MINDY4: variants seen among roughly 807,000 people sequenced by gnomAD.
The protein encoded by MINDY4 is probable ubiquitin carboxyl-terminal hydrolase MINDY-4.
A neutral mutation model predicts 87.0 loss-of-function variants in MINDY4; 68 were observed. That is an observed-to-expected ratio of 0.78 (90% CI 0.64 to 0.96). The LOEUF is 0.96. Ranked by LOEUF, MINDY4 falls within the 40% of genes least tolerant of loss-of-function variation. The pLI is 0.00. For missense variants in MINDY4, 919 were observed against 928.2 expected, an observed-to-expected ratio of 0.99 and a Z score of 0.13; for synonymous variants, 379 against 363.2, an observed-to-expected ratio of 1.04 and a Z score of -0.50.
At chr7:30,840,260 A>T (rs1161614284) in intron 8 of MINDY4, among the ~76,000 whole-genome samples, 1 of 152,164 alleles carries the variant, frequency 6.6e-6, no homozygotes, top group Non-Finnish European at 1.5e-5. Flanking sequence ...GATACACCTA[A>T]TGTGGTGCTG....
At chr7:30,881,149 C>A (rs1166064022) in intron 15 of MINDY4, among the ~76,000 whole-genome samples, 1 of 152,268 alleles carries the variant, frequency 6.6e-6, no homozygotes, top group East Asian at 1.9e-4. Flanking sequence ...ACGTACATAG[C>A]TGGATAAACC....
At chr7:30,800,598 C>T (rs558385510) in intron 5 of MINDY4, among the ~76,000 whole-genome samples, 16 of 152,266 alleles carry the variant, frequency 1.1e-4, no homozygotes, top group African/African-American at 2.9e-4. Context: ...AGTGGAAGTT[C>T]AGGGAGCAGT....
chr7:30,831,575 G>A (rs1296362193), intron 6 of MINDY4, among the ~76,000 whole-genome samples: 1 of 152,176 alleles, frequency 6.6e-6, no homozygotes, highest in Non-Finnish European at 1.5e-5. Flanking sequence ...AGAGAGGGTG[G>A]AGGTTTCAGC....
At chr7:30,794,169 G>C (rs150106631) in intron 5 of MINDY4, among the ~76,000 whole-genome samples, 1 of 152,080 alleles carries the variant, frequency 6.6e-6, no homozygotes. Flanking sequence ...TAATCCCAAT[G>C]GTAAATATAT....
intron 5 of MINDY4, among the ~76,000 whole-genome samples, chr7:30,820,814 G>A (rs1028311101): frequency 5.9e-5 from 9 of 152,186 alleles, no homozygotes; most frequent in African/African-American, 2.2e-4. Flanking sequence ...TTACGCACAT[G>A]TATTTGTTTG....
intron 5 of MINDY4, among the ~76,000 whole-genome samples, chr7:30,800,914 C>T (rs1400225635): frequency 6.6e-6 from 1 of 152,214 alleles, no homozygotes; most frequent in African/African-American, 2.4e-5. Flanking sequence ...TTCATCAATC[C>T]TCCCAACCCC....
chr7:30,891,845 C>T, intron 17 of MINDY4, 112 bp from the exon 18 acceptor site: 1 of 1,061,916 alleles, frequency 9.4e-7, no homozygotes, highest in Non-Finnish European at 1.5e-6. Flanking sequence ...GGAAACCGAA[C>T]TATTCAAAGC....
intron 5 of MINDY4, among the ~76,000 whole-genome samples, chr7:30,812,222 T>A (rs974803572): frequency 7.0e-6 from 1 of 143,672 alleles, no homozygotes; most frequent in Non-Finnish European, 1.5e-5. Context: ...TGTCCACAAC[T>A]GGCTTTCAAA....
At chr7:30,794,704 A>T (rs1380981715) in intron 5 of MINDY4, among the ~76,000 whole-genome samples, 1 of 151,848 alleles carries the variant, frequency 6.6e-6, no homozygotes, top group African/African-American at 2.4e-5. Flanking sequence ...TGTCACCTGG[A>T]CTCCCATTGT....
intron 6 of MINDY4, among the ~76,000 whole-genome samples, chr7:30,829,242 A>G (rs1423176549): frequency 1.3e-5 from 2 of 152,204 alleles, no homozygotes; most frequent in African/African-American, 4.8e-5. Context: ...TCTAAGATCA[A>G]TATAGAGCAC....
intron 1 of MINDY4, among the ~76,000 whole-genome samples, chr7:30,776,044 C>G (rs534393814): frequency 6.6e-6 from 1 of 152,224 alleles, no homozygotes; most frequent in Non-Finnish European, 1.5e-5. Context: ...CTGTTGCAAA[C>G]ACCTTGCTCC....
At chr7:30,873,053 C>T (rs912359676) in intron 14 of MINDY4, among the ~76,000 whole-genome samples, 7 of 152,220 alleles carry the variant, frequency 4.6e-5, no homozygotes, top group African/African-American at 1.7e-4. Context: ...ACTGAGGACT[C>T]AGTTGTCCTG....
chr7:30,797,692 G>A lies in MINDY4; in HGVS notation c.1073+6118G>A, dbSNP rs149948114. Among the ~76,000 whole-genome samples the A allele has an allele frequency of 2.4e-3, 369 of 152,270 alleles. 2 individuals carry two copies. Among genetic ancestry groups the A allele is most frequent in the African/African-American group, 7.8e-3 (322 of 41,532 alleles). ...GGAGATATGGGAGCCTTTGGAGGTC[G>A]AGCAGAGACATGCTGTGATCTCACT... On this transcript the variant is annotated intron_variant, in intron 5 of 17. Transcript: ENST00000265299.
In MINDY4 at chr7:30,885,673, C is replaced by A. The variant is rs180882218; in HGVS notation, c.2225+2680C>A. ...GATGCTGATGCTGCTGGTCCCAGGA[C>A]CACACTTTGAGAACCAGGTAAGGGC... On this transcript the variant is annotated intron_variant, in intron 17 of 17. Transcript: ENST00000265299. Among the ~76,000 whole-genome samples the A allele has an allele frequency of 8.0e-3, 1,214 of 152,036 alleles. 13 individuals carry two copies. The highest frequency in any genetic ancestry group is 0.028 in the African/African-American group (1,145 of 41,366).
At chr7:30,773,618 C>T (rs750604656) in intron 1 of MINDY4, among the ~76,000 whole-genome samples, 6 of 152,094 alleles carry the variant, frequency 3.9e-5, no homozygotes, top group Non-Finnish European at 7.4e-5. Flanking sequence ...TCTTCTGCTG[C>T]CCCAGCTTCT....
rs143959227 is a variant in MINDY4 at position 30,813,345 on chromosome 7, TC to T, written c.1074-15330del. On this transcript the variant is annotated intron_variant, in intron 5 of 17. Transcript: ENST00000265299. ...ACTTGCCCTGTGTTAAAGTGTTCAA[TC>T]CCCAGGTCCTGAATTCTGTGTGAGG... Among the ~76,000 whole-genome samples, 1,060 of 152,326 alleles carry T rather than the reference TC, an allele frequency of 7.0e-3. 10 individuals are homozygous for T. The highest frequency in any genetic ancestry group is 0.025 in the African/African-American group (1,019 of 41,572).
At chr7:30,850,624 G>A in intron 10 of MINDY4, 69 bp downstream of exon 10, 2 of 1,386,944 alleles carry the variant, frequency 1.4e-6, no homozygotes, top group Non-Finnish European at 2.0e-6. Context: ...AGCTGGCTGT[G>A]TATGCTCCTA....
intron 15 of MINDY4, among the ~76,000 whole-genome samples, chr7:30,881,694 A>G (rs965015064): frequency 3.3e-5 from 5 of 152,148 alleles, no homozygotes; most frequent in African/African-American, 9.7e-5. Flanking sequence ...GAAGGAGGAA[A>G]CTATTTCTGC....
intron 9 of MINDY4, among the ~76,000 whole-genome samples, chr7:30,847,862 C>T (rs769134528): frequency 6.6e-6 from 1 of 152,170 alleles, no homozygotes; most frequent in East Asian, 1.9e-4. Flanking sequence ...GCCTCAGCCT[C>T]CTGAGTATCT....
Sources: gnomAD v4.1 joint callset for allele counts (sites outside exome capture counted in the v4.1 genomes callset) on GRCh38, gnomAD v4.1.1 for gene constraint, MANE v1.5 for transcripts, NCBI Gene and HGNC (gene_info 2026-07-23, HGNC 2026-07-21) for gene names.